The following ACKR1 variants were observed in gnomAD, a reference collection of about 807,000 sequenced individuals.
ACKR1 encodes atypical chemokine receptor 1 (Duffy blood group).
ACKR1 carries 3 observed loss-of-function variants against 2.5 expected under a neutral mutation model. That is an observed-to-expected ratio of 1.18 (90% CI 0.54 to 3.06). The LOEUF is 3.06. Ranked by LOEUF, ACKR1 falls within the 30% of genes most tolerant of loss-of-function variation. The pLI, the probability that ACKR1 is intolerant of heterozygous loss-of-function variation, is 0.03. For synonymous variants in ACKR1, 208 were observed against 178.2 expected (o/e 1.17, Z -1.33); for missense variants, 438 against 395.2 (o/e 1.11, Z -0.92).
chr1:159,205,711 A>G lies in ACKR1; in HGVS notation c.272A>G (p.Gln91Arg). Residue 91 changes from glutamine (Q) to arginine (R), a missense_variant, in exon 2 of 2, where the codon CAG becomes CGG. Transcript: ENST00000368122. ...CTTTTCAGACCTCTCTTCCGCTGGCAGCTCTGCCCTGGCTGGCCTGTCCTG... is the reference window on the plus strand; with the variant it reads ...CTTTTCAGACCTCTCTTCCGCTGGCGGCTCTGCCCTGGCTGGCCTGTCCTG... ...FMLFRPLFRWQLCPGWPVLAQ... is the reference protein window; with the variant it reads ...FMLFRPLFRWRLCPGWPVLAQ... The G allele has an allele frequency of 6.2e-7, 1 of 1,613,994 alleles. No homozygotes were observed. The highest frequency in any genetic ancestry group is 8.5e-7 in the Non-Finnish European group (1 of 1,179,868).
At position 159,206,114 on chromosome 1, in the gene ACKR1, G is replaced by A. The variant is rs3027021; in HGVS notation, c.675G>A (p.Leu225=). 17 of 1,614,132 alleles carry A rather than the reference G, an allele frequency of 1.1e-5. No homozygotes were observed. Among genetic ancestry groups the A allele is most frequent in the South Asian group, 8.8e-5 (8 of 91,094 alleles). The change falls in exon 2 of 2, where the codon TTG becomes TTA. Residue 225 remains leucine, a synonymous_variant. Transcript: ENST00000368122. ...TCTTTGTCTTGTTGCCATTGGGTTTGTTTGGAGCCAAGGGGCTGAAGAAGG... is the reference window on the plus strand; with the variant it reads ...TCTTTGTCTTGTTGCCATTGGGTTTATTTGGAGCCAAGGGGCTGAAGAAGG... ...LAIFVLLPLG[L]FGAKGLKKAL...
In ACKR1 at chr1:159,205,450, A is replaced by G. The variant is rs1650406207; in HGVS notation, c.22-11A>G. ...GTAACTCTGATGGCCTCCTCTGGGT[A>G]TGTCCTCCAGGCGGAGCTCTCCCCC... On this transcript the variant is annotated splice_polypyrimidine_tract_variant and intron_variant, in intron 1 of 1. Coordinates refer to ENST00000368122, the MANE Select transcript of ACKR1 (RefSeq NM_002036.4). The G allele has an allele frequency of 1.2e-6, 2 of 1,600,358 alleles. No individual in the cohort carries two copies. Among genetic ancestry groups the G allele is most frequent in the African/African-American group, 1.3e-5 (1 of 74,774 alleles).
At position 159,206,243 on chromosome 1, in the gene ACKR1, C is replaced by T. The variant is rs1207275437; in HGVS notation, c.804C>T (p.Ser268=). 1 of 1,614,210 alleles carries T rather than the reference C, an allele frequency of 6.2e-7. No homozygotes were observed. Among genetic ancestry groups the T allele is most frequent in the South Asian group, 1.1e-5 (1 of 91,082 alleles). Residue 268 remains serine, a synonymous_variant, in exon 2 of 2, where the codon TCC becomes TCT. Transcript: ENST00000368122. ...TAGGACTGGATTTCCTGGTGAGGTCCAAGCTGTTGCTGTTGTCAACATGTC... is the reference window on the plus strand; with the variant it reads ...TAGGACTGGATTTCCTGGTGAGGTCTAAGCTGTTGCTGTTGTCAACATGTC... ...VVLGLDFLVR[S]KLLLLSTCLA...
At chr1:159,205,314 T>C in intron 1 of ACKR1, 147 bp from the exon 2 acceptor site, 1 of 1,009,420 alleles carries the variant, frequency 9.9e-7, no homozygotes, top group Non-Finnish European at 1.4e-6. Context: ...TTTGTCCTTT[T>C]CCACTGTCCG....
chr1:159,205,094 C>T, intron 1 of ACKR1, 114 bp downstream of exon 1: 3 of 1,306,074 alleles, frequency 2.3e-6, no homozygotes, highest in Non-Finnish European at 3.2e-6. Flanking sequence ...TTCTCCCTTC[C>T]TGCTTTTTTC....
chr1:159,206,381 C>G lies in ACKR1; in HGVS notation c.942C>G (p.Thr314=). The G allele has an allele frequency of 6.2e-7, 1 of 1,614,236 alleles. No homozygotes were observed. The highest frequency in any genetic ancestry group is 8.5e-7 in the Non-Finnish European group (1 of 1,180,038). ...LALFCHQATR[T]LLPSLPLPEG... is the part of the protein sequence containing the mutation. The stretch of plus-strand genomic sequence containing the variant: ...TATTCTGCCACCAGGCCACCCGCAC[C>G]CTCTTGCCCTCTCTGCCCCTCCCTG... The change falls in exon 2 of 2, where the codon ACC becomes ACG. Residue 314 remains threonine (T), a synonymous_variant. Transcript: ENST00000368122.
At position 159,205,918 on chromosome 1, in the gene ACKR1, G is replaced by A. The variant is rs778003083; in HGVS notation, c.479G>A (p.Gly160Asp). The A allele has an allele frequency of 3.1e-6, 5 of 1,614,078 alleles. No individual in the cohort carries two copies. The South Asian group carries it at 4.4e-5, about 14-fold the overall frequency. The change falls in exon 2 of 2, where the codon GGC becomes GAC. Residue 160 changes from glycine (G) to aspartate (D), a missense_variant. Transcript: ENST00000368122. ...TCCCTGGGCCACAGACTGGGTGCAG[G>A]CCAGGTCCCAGGCCTCACCCTGGGG... is the stretch of plus-strand genomic sequence containing the variant. Reference protein sequence around the residue: ...HASLGHRLGAGQVPGLTLGLT... With the variant: ...HASLGHRLGADQVPGLTLGLT...
intron 1 of ACKR1, 41 bp downstream of exon 1, chr1:159,205,021 C>A: frequency 1.3e-6 from 2 of 1,594,982 alleles, no homozygotes; most frequent in Non-Finnish European, 1.7e-6. Context: ...TATCCCTATG[C>A]CCCTCATTTC....
chr1:159,205,600 G>T lies in ACKR1; in HGVS notation c.161G>T (p.Cys54Phe), dbSNP rs751101103. 1.9e-6 allele frequency: 3 copies of T among 1,614,100 alleles called. No individual in the cohort carries two copies. Among genetic ancestry groups the T allele is most frequent in the Non-Finnish European group, 2.5e-6 (3 of 1,180,046 alleles). ...GAAGCAGCTGCCCCCTGCCACTCCT[G>T]TAACCTGCTGGATGACTCTGCACTG... The part of the protein sequence containing the change: ...NLEAAAPCHS[C>F]NLLDDSALPF... The change falls in exon 2 of 2, where the codon TGT (cysteine) becomes TTT (phenylalanine). Residue 54 changes from cysteine to phenylalanine, a missense_variant. Transcript: ENST00000368122.
In ACKR1 at chr1:159,204,902, C is replaced by A. The variant is rs1650381935; in HGVS notation, c.-58C>A. Reference sequence around the variant, plus strand: ...TAGTCCTTGGCTCTTATCTTGGAAGCACAGGCGCTGACAGCCGTCCCAGCC... The same window carrying A: ...TAGTCCTTGGCTCTTATCTTGGAAGAACAGGCGCTGACAGCCGTCCCAGCC... On this transcript the variant is annotated 5_prime_UTR_variant, in exon 1 of 2. Coordinates refer to ENST00000368122, the MANE Select transcript of ACKR1 (RefSeq NM_002036.4). 6.2e-7 allele frequency: 1 copy of A among 1,610,684 alleles called. No individual in the cohort carries two copies. The highest frequency in any genetic ancestry group is 1.1e-5 in the South Asian group (1 of 91,020).
chr1:159,206,057 G>A lies in ACKR1; in HGVS notation c.618G>A (p.Leu206=). 1 of 1,614,240 alleles carries A rather than the reference G, an allele frequency of 6.2e-7. No homozygotes were observed. Residue 206 remains leucine, a synonymous_variant, in exon 2 of 2, where the codon TTG becomes TTA. Transcript: ENST00000368122. ...TATACAGCACGGAGCTGAAGGCTTT[G>A]CAGGCCACACACACTGTAGCCTGTC... The part of the protein sequence containing the change: ...TLIYSTELKA[L]QATHTVACLA...
chr1:159,204,897 G>T lies in ACKR1; in HGVS notation c.-63G>T. On this transcript the variant is annotated 5_prime_UTR_variant, in exon 1 of 2. Coordinates refer to ENST00000368122, the MANE Select transcript of ACKR1 (RefSeq NM_002036.4). ...CTCATTAGTCCTTGGCTCTTATCTTGGAAGCACAGGCGCTGACAGCCGTCC... is the reference window on the plus strand; with the variant it reads ...CTCATTAGTCCTTGGCTCTTATCTTTGAAGCACAGGCGCTGACAGCCGTCC... 1 of 1,608,328 alleles carries T rather than the reference G, an allele frequency of 6.2e-7. No individual in the cohort carries two copies.
rs754054567 is a variant in ACKR1 at position 159,205,921 on chromosome 1, A to T, written c.482A>T (p.Gln161Leu). 6.2e-7 allele frequency: 1 copy of T among 1,614,038 alleles called. No homozygotes were observed. Among genetic ancestry groups the T allele is most frequent in the Non-Finnish European group, 8.5e-7 (1 of 1,179,974 alleles). Residue 161 changes from glutamine (Q) to leucine (L), a missense_variant, in exon 2 of 2, where the codon CAG becomes CTG. Gln to Leu is a moderately radical substitution (Grantham distance 113, BLOSUM62 -2). Coordinates refer to ENST00000368122, the MANE Select transcript of ACKR1 (RefSeq NM_002036.4). ...ASLGHRLGAG[Q>L]VPGLTLGLTV... is the part of the protein sequence containing the mutation. ...CTGGGCCACAGACTGGGTGCAGGCC[A>T]GGTCCCAGGCCTCACCCTGGGGCTC...
Position 159,204,935 on chromosome 1 carries a change from C to G in ACKR1, c.-25C>G, listed in dbSNP as rs763064238. On this transcript the variant is annotated 5_prime_UTR_variant, in exon 1 of 2. Transcript: ENST00000368122. ...CTGACAGCCGTCCCAGCCCTTCTGTCTGCGGGCCTGAACCAAACGGTGCCA... is the reference window on the plus strand; with the variant it reads ...CTGACAGCCGTCCCAGCCCTTCTGTGTGCGGGCCTGAACCAAACGGTGCCA... 45 of 1,614,066 alleles carry G rather than the reference C, an allele frequency of 2.8e-5. No individual in the cohort carries two copies. The South Asian group carries it at 4.8e-4, about 17-fold the overall frequency.
chr1:159,206,333 G>T lies in ACKR1; in HGVS notation c.894G>T (p.Val298=). ...AAGCCCTGGCAATTTTGCACTGTGT[G>T]GCTACGCCCCTGCTCCTCGCCCTAT... is the stretch of plus-strand genomic sequence containing the variant. ...LAEALAILHC[V]ATPLLLALFC... The change falls in exon 2 of 2, where the codon GTG becomes GTT. Residue 298 remains valine, a synonymous_variant. Coordinates refer to ENST00000368122, the MANE Select transcript of ACKR1 (RefSeq NM_002036.4). 6.2e-7 allele frequency: 1 copy of T among 1,614,222 alleles called. No individual in the cohort carries two copies. Among genetic ancestry groups the T allele is most frequent in the Non-Finnish European group, 8.5e-7 (1 of 1,180,046 alleles).
rs1248949133 is a variant in ACKR1 at position 159,205,803 on chromosome 1, A to T, written c.364A>T (p.Ser122Cys). The change falls in exon 2 of 2, where the codon AGC (serine) becomes TGC (cysteine). Residue 122 changes from serine (S) to cysteine (C), a missense_variant. By Grantham distance (112) the Ser-to-Cys change is moderately radical (BLOSUM62 -1). Transcript: ENST00000368122. Reference sequence around the variant, plus strand: ...GCCCGTCTTGGCCCCAGGGCTAGGTAGCACTCGCAGCTCTGCCCTGTGTAG... The same window carrying T: ...GCCCGTCTTGGCCCCAGGGCTAGGTTGCACTCGCAGCTCTGCCCTGTGTAG... ...VVPVLAPGLG[S>C]TRSSALCSLG... 1.2e-6 allele frequency: 2 copies of T among 1,613,996 alleles called. No individual in the cohort carries two copies. Among genetic ancestry groups the T allele is most frequent in the Middle Eastern group, 1.7e-4 (1 of 6,060 alleles).
rs763701958 is a variant in ACKR1, at chr1:159,206,292, CT to C, written c.854del (p.Leu285ArgfsTer2). On this transcript the variant is annotated frameshift_variant, in exon 2 of 2. Transcript: ENST00000368122. LOFTEE classifies it low-confidence loss of function (END_TRUNC). ...TCTGGCCCAGCAGGCTCTGGACCTG[CT>C]GCTGAACCTGGCAGAAGCCCTGGCA... is the stretch of plus-strand genomic sequence containing the variant. ...TCLAQQALDL[L>X]LNLAEALAIL... 48 of 1,614,110 alleles carry C rather than the reference CT, an allele frequency of 3.0e-5. No individual in the cohort carries two copies. The highest frequency in any genetic ancestry group is 3.5e-5 in the Non-Finnish European group (41 of 1,180,048).
chr1:159,205,367 C>T (rs1360854239), intron 1 of ACKR1, 94 bp from the exon 2 acceptor site: 7 of 1,484,526 alleles, frequency 4.7e-6, no homozygotes, highest in Admixed American at 2.0e-5. Flanking sequence ...TCCCACCCGA[C>T]CTTCCTCTCT....
At position 159,204,944 on chromosome 1, in the gene ACKR1, T is replaced by A; in HGVS notation, c.-16T>A. 6.2e-7 allele frequency: 1 copy of A among 1,614,172 alleles called. No individual in the cohort carries two copies. Among genetic ancestry groups the A allele is most frequent in the Non-Finnish European group, 8.5e-7 (1 of 1,180,022 alleles). The stretch of plus-strand genomic sequence containing the variant: ...GTCCCAGCCCTTCTGTCTGCGGGCC[T>A]GAACCAAACGGTGCCATGGGGAACT... On this transcript the variant is annotated 5_prime_UTR_variant, in exon 1 of 2. Transcript: ENST00000368122.
Sources: gnomAD v4.1 joint callset for allele counts on GRCh38, gnomAD v4.1.1 for gene constraint, MANE v1.5 for transcripts, NCBI Gene and HGNC (gene_info 2026-07-23, HGNC 2026-07-21) for gene names.